Variants in TRHDE observed in about 807,000 individuals in gnomAD.
TRHDE encodes thyrotropin-releasing hormone-degrading ectoenzyme.
Under a neutral mutation model 125.7 loss-of-function variants are expected in TRHDE, and 72 were observed. That is an observed-to-expected ratio of 0.57 (90% CI 0.47 to 0.70). The LOEUF (loss-of-function observed/expected upper bound fraction) is 0.70, where lower values mean the gene tolerates loss of function less well. Ranked by LOEUF, TRHDE falls within the 30% of genes least tolerant of loss-of-function variation. The pLI is 0.00. For synonymous variants in TRHDE, 509 were observed against 509.1 expected, an observed-to-expected ratio of 1.00 and a Z score of 0.00; for missense variants, 1,110 against 1,327.1, an observed-to-expected ratio of 0.84 and a Z score of 2.54.
chr12:72,481,575 T>C (rs79876106), intron 5 of TRHDE, among the ~76,000 whole-genome samples: 1 of 151,562 alleles, frequency 6.6e-6, no homozygotes, highest in Middle Eastern at 3.4e-3. Context: ...TTTTTTTTTT[T>C]TGAGTCTGAA....
intron 2 of TRHDE, among the ~76,000 whole-genome samples, chr12:72,172,450 T>C (rs1364809529): frequency 6.6e-6 from 1 of 152,234 alleles, no homozygotes; most frequent in Non-Finnish European, 1.5e-5. Flanking sequence ...GGTCTGCGTG[T>C]ATAGTGCCTG....
rs59431122 is a variant in TRHDE at position 72,188,930 on chromosome 12, G to C, written n.279+83178G>C. On this transcript the variant is annotated intron_variant and non_coding_transcript_variant, in intron 2 of 4. Coordinates refer to the TRHDE transcript ENST00000548156. ...CCCATCCACATGCTTACCCCATGAG[G>C]GTCAGGAGAAAGGCCTTTGGAGACA... Among the ~76,000 whole-genome samples, 19 of 152,228 alleles carry C rather than the reference G, an allele frequency of 1.2e-4. No individual in the cohort carries two copies. In the East Asian group the frequency reaches 3.3e-3, roughly 26 times the overall value.
chr12:72,435,013 T>A (rs1161449260), intron 3 of TRHDE, among the ~76,000 whole-genome samples: 2 of 152,218 alleles, frequency 1.3e-5, no homozygotes, highest in African/African-American at 4.8e-5. Context: ...AACTGAGGAC[T>A]GAGGCAAATT....
chr12:72,235,034 C>T (rs1156728277), intron 2 of TRHDE, among the ~76,000 whole-genome samples: 3 of 152,134 alleles, frequency 2.0e-5, no homozygotes, highest in African/African-American at 7.2e-5. Context: ...AGTGCTTAGA[C>T]AGTAAAACAA....
At chr12:72,382,162 G>A (rs1163307961) in intron 3 of TRHDE, among the ~76,000 whole-genome samples, 1 of 152,130 alleles carries the variant, frequency 6.6e-6, no homozygotes, top group Non-Finnish European at 1.5e-5. Flanking sequence ...GACATCAAGT[G>A]GGGAAAGCAT....
At chr12:72,407,766 G>A (rs192293063) in intron 3 of TRHDE, among the ~76,000 whole-genome samples, 145 of 152,242 alleles carry the variant, frequency 9.5e-4, no homozygotes, top group African/African-American at 3.1e-3. Flanking sequence ...AACACAGGGC[G>A]CACTCTAGGT....
chr12:72,558,975 ACT>A (rs1286230253), intron 7 of TRHDE, among the ~76,000 whole-genome samples: 1 of 151,976 alleles, frequency 6.6e-6, no homozygotes, highest in Non-Finnish European at 1.5e-5. Context: ...TAGGCTGAAG[ACT>A]CTGAGTTCCA....
intron 2 of TRHDE, among the ~76,000 whole-genome samples, chr12:72,220,106 A>G (rs143755850): frequency 2.7e-3 from 416 of 152,262 alleles, no homozygotes; most frequent in Middle Eastern, 0.017. Context: ...TAGTTAGATC[A>G]GTTTAGGATG....
At chr12:72,354,389 A>G (rs937537675) in intron 2 of TRHDE, among the ~76,000 whole-genome samples, 2 of 151,434 alleles carry the variant, frequency 1.3e-5, no homozygotes, top group African/African-American at 4.8e-5. Flanking sequence ...TCTGAAACAG[A>G]AGAGGAAACT....
In TRHDE at chr12:72,404,154, C is replaced by T. The variant is rs1873167013; in HGVS notation, c.1315+26033C>T. ...GAGGGCTGAGCTTGGTGGCTCATGC[C>T]TGTAATCCTAGCACTTTGGGAGGCT... On this transcript the variant is annotated intron_variant, in intron 3 of 18. Coordinates refer to ENST00000261180, the MANE Select transcript of TRHDE (RefSeq NM_013381.3). 2.0e-5 allele frequency among the ~76,000 whole-genome samples: 3 copies of T among 152,294 alleles called. No homozygotes were observed. In the South Asian group the frequency reaches 6.2e-4, roughly 32 times the overall value.
At chr12:72,180,263 C>T (rs553734594) in intron 2 of TRHDE, among the ~76,000 whole-genome samples, 2 of 152,026 alleles carry the variant, frequency 1.3e-5, no homozygotes, top group South Asian at 4.2e-4. Flanking sequence ...ATAGGACATG[C>T]AGAAATATTT....
chr12:72,359,189 A>T (rs1314777433), intron 2 of TRHDE, among the ~76,000 whole-genome samples: 2 of 151,458 alleles, frequency 1.3e-5, no homozygotes, highest in African/African-American at 4.8e-5. Context: ...AGAAAAAAAA[A>T]CATATCTGAA....
At chr12:72,324,952 C>T (rs546937845) in intron 2 of TRHDE, among the ~76,000 whole-genome samples, 1 of 152,184 alleles carries the variant, frequency 6.6e-6, no homozygotes, top group South Asian at 2.1e-4. Context: ...CACTGGTGAT[C>T]ATAATCCTAA....
intron 3 of TRHDE, among the ~76,000 whole-genome samples, chr12:72,460,203 A>G (rs192676811): frequency 6.6e-6 from 1 of 152,322 alleles, no homozygotes; most frequent in Non-Finnish European, 1.5e-5. Context: ...GACCCTTGAG[A>G]ATTGTGTTTC....
At chr12:72,344,361 A>G (rs904155024) in intron 2 of TRHDE, among the ~76,000 whole-genome samples, 3 of 152,180 alleles carry the variant, frequency 2.0e-5, no homozygotes, top group African/African-American at 4.8e-5. Flanking sequence ...GGTTGCTGCT[A>G]TAATTATCAC....
chr12:72,173,783 G>A (rs191942571), intron 2 of TRHDE, among the ~76,000 whole-genome samples: 28 of 152,030 alleles, frequency 1.8e-4, no homozygotes, highest in East Asian at 1.2e-3. Context: ...CTTGCTCTGC[G>A]CGCGCACACA....
At chr12:72,495,812 A>G (rs1877890924) in intron 5 of TRHDE, among the ~76,000 whole-genome samples, 1 of 152,158 alleles carries the variant, frequency 6.6e-6, no homozygotes, top group Admixed American at 6.6e-5. Context: ...CATATACTCT[A>G]CATTTACTCA....
At chr12:72,558,449 C>T (rs1870024777) in intron 7 of TRHDE, among the ~76,000 whole-genome samples, 2 of 152,082 alleles carry the variant, frequency 1.3e-5, no homozygotes. Flanking sequence ...TAAATTAATG[C>T]AGGGAGCAAC....
chr12:72,204,262 A>G (rs970896519), intron 2 of TRHDE, among the ~76,000 whole-genome samples: 1 of 152,124 alleles, frequency 6.6e-6, no homozygotes, highest in Non-Finnish European at 1.5e-5. Flanking sequence ...CTGTTGCAGC[A>G]TTTGATACTC....
Sources: allele counts gnomAD v4.1 joint callset (sites outside exome capture counted in the v4.1 genomes callset), GRCh38; gene constraint gnomAD v4.1.1; transcripts MANE v1.5; gene names NCBI Gene and HGNC (gene_info 2026-07-23, HGNC 2026-07-21).